Variants in CHRDL2 observed in about 807,000 individuals in gnomAD.
CHRDL2 encodes the protein chordin-like protein 2.
A neutral mutation model predicts 54.3 loss-of-function variants in CHRDL2; 41 were observed. The ratio of observed to expected loss-of-function variants is 0.76; its 90% CI spans 0.59 to 0.98. The LOEUF (loss-of-function observed/expected upper bound fraction) is 0.98, where lower values mean the gene tolerates loss of function less well. Among genes scored for constraint, CHRDL2 ranks in the 50% least tolerant of loss-of-function variants. CHRDL2 has a pLI of 0.00. For synonymous variants in CHRDL2, 220 were observed against 224.3 expected, an observed-to-expected ratio of 0.98 and a Z score of 0.17; for missense variants, 518 against 562.4, an observed-to-expected ratio of 0.92 and a Z score of 0.80.
intron 4 of CHRDL2, among the ~76,000 whole-genome samples, chr11:74,709,731 T>C (rs924320717): frequency 3.9e-5 from 6 of 152,170 alleles, no homozygotes; most frequent in Non-Finnish European, 8.8e-5. Flanking sequence ...CACAGGGAAC[T>C]GGGACAGTGC....
intron 8 of CHRDL2, among the ~76,000 whole-genome samples, 157 bp downstream of exon 8, chr11:74,703,148 C>G (rs1043677479): frequency 1.3e-5 from 2 of 152,326 alleles, no homozygotes; most frequent in African/African-American, 4.8e-5. Flanking sequence ...TTTCATCTGA[C>G]ATTTTCCACT....
At chr11:74,701,553 G>A (rs921871014) in intron 9 of CHRDL2, 5 of 713,270 alleles carry the variant, frequency 7.0e-6, no homozygotes, top group South Asian at 3.0e-5. Context: ...CGCATCTGAC[G>A]CCACAAGACA....
chr11:74,712,798 G>C (rs1272200457), intron 3 of CHRDL2, among the ~76,000 whole-genome samples: 2 of 152,144 alleles, frequency 1.3e-5, no homozygotes, highest in Non-Finnish European at 2.9e-5. Flanking sequence ...GGTTTTGCCA[G>C]TTTCTTCCTA....
rs1460004036 is a variant in CHRDL2 at position 74,731,128 on chromosome 11, A to G, written c.-240T>C. 2 of 541,648 alleles carry G rather than the reference A, an allele frequency of 3.7e-6. No individual in the cohort carries two copies. The highest frequency in any genetic ancestry group is 6.6e-6 in the Non-Finnish European group (2 of 304,150). 33.6% of individuals were successfully genotyped at this position (541,648 alleles called of 1,614,324 possible). A position where few individuals can be genotyped will look rare whatever the true frequency, so the allele number is the denominator to read the frequency against. On this transcript the variant is annotated 5_prime_UTR_variant, in exon 1 of 11. Coordinates refer to ENST00000376332, the MANE Select transcript of CHRDL2 (RefSeq NM_001278473.3). This position sits in a 1 kb window ranked among gnomAD's most constrained non-coding sequence, Gnocchi z 4.4. Reference sequence around the variant, plus strand: ...ACGCGGGGAAAGGAGGGAGAGATGGAGAGACGAAGGAAGGTCCAGCAGAAG... The same window carrying G: ...ACGCGGGGAAAGGAGGGAGAGATGGGGAGACGAAGGAAGGTCCAGCAGAAG...
At chr11:74,727,933 A>G (rs2135280937) in intron 1 of CHRDL2, among the ~76,000 whole-genome samples, 1 of 152,294 alleles carries the variant, frequency 6.6e-6, no homozygotes, top group Non-Finnish European at 1.5e-5. Context: ...CCAGCATCAC[A>G]CATGTCTGTG....
chr11:74,728,102 T>G (rs578139681), intron 1 of CHRDL2, among the ~76,000 whole-genome samples: 1 of 152,242 alleles, frequency 6.6e-6, no homozygotes, highest in Admixed American at 6.5e-5. Flanking sequence ...TAGTCTGTAT[T>G]GGGATTAGGG....
chr11:74,722,669 C>T (rs1200536372), intron 1 of CHRDL2, among the ~76,000 whole-genome samples: 1 of 152,138 alleles, frequency 6.6e-6, no homozygotes. Flanking sequence ...AGGGGATGAA[C>T]ATCATAGCAC....
intron 4 of CHRDL2, among the ~76,000 whole-genome samples, chr11:74,709,092 G>T (rs1269773298): frequency 6.6e-6 from 1 of 152,226 alleles, no homozygotes; most frequent in Non-Finnish European, 1.5e-5. Context: ...TTTCCAGAGG[G>T]TCTGAGAAGT....
At chr11:74,713,799 G>A (rs1299665048) in intron 2 of CHRDL2, among the ~76,000 whole-genome samples, 2 of 152,150 alleles carry the variant, frequency 1.3e-5, no homozygotes, top group Non-Finnish European at 2.9e-5. Context: ...TGCTTTGACT[G>A]CACTATTTTA....
At chr11:74,728,882 A>C (rs1276048783) in intron 1 of CHRDL2, among the ~76,000 whole-genome samples, 1 of 152,258 alleles carries the variant, frequency 6.6e-6, no homozygotes, top group East Asian at 1.9e-4. Flanking sequence ...GTTGGCTCCA[A>C]GTCTTTTTCT....
At chr11:74,721,381 T>C (rs540674439) in intron 1 of CHRDL2, among the ~76,000 whole-genome samples, 2 of 152,342 alleles carry the variant, frequency 1.3e-5, no homozygotes, top group South Asian at 2.1e-4. Flanking sequence ...CCTCACCGCC[T>C]GCTCAGAGCA....
rs1238589300 is a variant in CHRDL2 at position 74,702,939 on chromosome 11, C to T, written c.975G>A (p.Glu325=). 1.2e-6 allele frequency: 2 copies of T among 1,613,782 alleles called. No homozygotes were observed. Among genetic ancestry groups the T allele is most frequent in the East Asian group, 2.2e-5 (1 of 44,884 alleles). ...CCTTGGGACACCTGGTAGAACTGAT[C>T]TCACTGTGGCCAGGGTCTGCTTTGT... ...PEDKADPGHS[E]ISSTRCPKAP... Residue 325 remains glutamate (E), a synonymous_variant, in exon 9 of 11, where the codon GAG becomes GAA. Transcript: ENST00000376332.
At chr11:74,712,756 C>G (rs1383698110) in intron 3 of CHRDL2, among the ~76,000 whole-genome samples, 4 of 152,180 alleles carry the variant, frequency 2.6e-5, no homozygotes, top group Non-Finnish European at 4.4e-5. Context: ...TCCAAGTTGG[C>G]CTCCCCTCTG....
At chr11:74,719,415 C>CACACACACAT (rs2034453700) in intron 1 of CHRDL2, 3 of 149,934 alleles carry the variant, frequency 2.0e-5, no homozygotes, top group African/African-American at 7.4e-5. Flanking sequence ...CACACACACA[C>CACACACACAT]ACACACACGT....
intron 9 of CHRDL2, among the ~76,000 whole-genome samples, 193 bp downstream of exon 9, chr11:74,702,601 G>A (rs1229543008): frequency 1.3e-5 from 2 of 152,196 alleles, no homozygotes; most frequent in Admixed American, 6.5e-5. Flanking sequence ...TTAGCAGGAG[G>A]AGCTTATCAG....
At chr11:74,719,909 C>T (rs564043694) in intron 1 of CHRDL2, among the ~76,000 whole-genome samples, 1 of 152,150 alleles carries the variant, frequency 6.6e-6, no homozygotes, top group Non-Finnish European at 1.5e-5. Flanking sequence ...CAGCCTTGTG[C>T]CCTGCCCCTC....
At chr11:74,714,554 G>A (rs1468792202) in intron 2 of CHRDL2, among the ~76,000 whole-genome samples, 1 of 152,206 alleles carries the variant, frequency 6.6e-6, no homozygotes, top group Non-Finnish European at 1.5e-5. Flanking sequence ...ACGCCTTCTG[G>A]GGTCACTGCT....
chr11:74,696,434 G>T lies in CHRDL2; in HGVS notation c.*75C>A. 1 of 1,198,072 alleles carries T rather than the reference G, an allele frequency of 8.3e-7. No homozygotes were observed. The highest frequency in any genetic ancestry group is 1.2e-6 in the Non-Finnish European group (1 of 820,268). The allele number at this position is 1,198,072 out of a possible 1,614,324, so 74.2% of individuals were successfully genotyped here. ...ATGAACCCAGAAGGCAGGGCTGAGG[G>T]TAATGCAACTTCTTATTTATTAATA... On this transcript the variant is annotated 3_prime_UTR_variant, in exon 11 of 11. Transcript: ENST00000376332.
chr11:74,726,449 C>T (rs11826590), intron 1 of CHRDL2, among the ~76,000 whole-genome samples: 32,452 of 152,120 alleles, frequency 0.21, 4,489 homozygotes, highest in African/African-American at 0.39. Context: ...AAACAGAAGG[C>T]TTCTGGCGAG....
Sources: allele counts gnomAD v4.1 joint callset (sites outside exome capture counted in the v4.1 genomes callset), GRCh38; gene constraint gnomAD v4.1.1; non-coding constraint Gnocchi (gnomAD v3.1); transcripts MANE v1.5; gene names NCBI Gene and HGNC (gene_info 2026-07-23, HGNC 2026-07-21).